SLC25A12: variants seen among roughly 807,000 people sequenced by gnomAD.
SLC25A12 encodes the protein electrogenic aspartate/glutamate antiporter SLC25A12, mitochondrial.
A neutral mutation model predicts 83.3 loss-of-function variants in SLC25A12; 32 were observed. The ratio of observed to expected loss-of-function variants is 0.38; its 90% CI spans 0.29 to 0.52. The LOEUF is 0.52. Ranked by LOEUF, SLC25A12 falls within the 20% of genes least tolerant of loss-of-function variation. The probability of loss-of-function intolerance (pLI) is 0.84; values close to 1 mark genes in which losing one functional copy is unlikely to be tolerated. For synonymous variants in SLC25A12, 267 were observed against 291.1 expected (o/e 0.92, Z 0.84); for missense variants, 611 against 835.6 (o/e 0.73, Z 3.31).
chr2:171,789,685 G>C (rs900732919), intron 15 of SLC25A12, among the ~76,000 whole-genome samples: 3 of 152,162 alleles, frequency 2.0e-5, no homozygotes, highest in African/African-American at 7.2e-5. Context: ...GCTCAGTGTG[G>C]CTCTGACCAG....
intron 2 of SLC25A12, among the ~76,000 whole-genome samples, chr2:171,882,378 T>G (rs1048891217): frequency 2.0e-5 from 3 of 152,174 alleles, no homozygotes; most frequent in Non-Finnish European, 4.4e-5. Flanking sequence ...TGGGTTTTCT[T>G]GGGGTATTAG....
rs1430019101 is a variant in SLC25A12, at chr2:171,865,860, T to A, written c.209+2821A>T. On this transcript the variant is annotated intron_variant, in intron 3 of 17. Coordinates refer to ENST00000422440, the MANE Select transcript of SLC25A12 (RefSeq NM_003705.5). ...ATTTTTCCAAAAAAAAAATTTTTTT[T>A]AATTGATCATTCTTGGGTGTTTCTC... 2.6e-5 allele frequency among the ~76,000 whole-genome samples: 4 copies of A among 151,812 alleles called. No homozygotes were observed. The East Asian group carries it at 7.7e-4, about 29-fold the overall frequency.
chr2:171,849,258 G>A (rs1024795538), intron 4 of SLC25A12, among the ~76,000 whole-genome samples: 1 of 151,474 alleles, frequency 6.6e-6, no homozygotes, highest in Non-Finnish European at 1.5e-5. Flanking sequence ...CACTTCAACA[G>A]TCTATCATCA....
intron 4 of SLC25A12, among the ~76,000 whole-genome samples, chr2:171,847,684 T>C (rs112015295): frequency 6.6e-6 from 1 of 152,322 alleles, no homozygotes; most frequent in South Asian, 2.1e-4. Flanking sequence ...AATCACGATA[T>C]AGTATTTTAT....
At chr2:171,884,209 G>A (rs1429479816) in intron 2 of SLC25A12, among the ~76,000 whole-genome samples, 3 of 140,500 alleles carry the variant, frequency 2.1e-5, no homozygotes, top group Admixed American at 7.3e-5. Context: ...TTTTCCCCCC[G>A]AGACTGAGTC....
chr2:171,849,212 C>T (rs769387278), intron 4 of SLC25A12, among the ~76,000 whole-genome samples: 9 of 151,960 alleles, frequency 5.9e-5, no homozygotes, highest in Non-Finnish European at 1.2e-4. Context: ...TAAATACATA[C>T]ATACATACAT....
In SLC25A12 at chr2:171,881,676, T is replaced by C. The variant is rs78566128; in HGVS notation, c.66+11529A>G. The stretch of plus-strand genomic sequence containing the variant: ...TTTTAAAAAAGTATTAATGTAGGGA[T>C]GTGTAATTTAAGCAGCTCTAGGCTA... On this transcript the variant is annotated intron_variant, in intron 2 of 17. Coordinates refer to ENST00000422440, the MANE Select transcript of SLC25A12 (RefSeq NM_003705.5). 5.0e-4 allele frequency among the ~76,000 whole-genome samples: 76 copies of C among 152,308 alleles called. 1 individual carries two copies. The highest frequency in any genetic ancestry group is 1.8e-3 in the African/African-American group (76 of 41,568).
chr2:171,859,909 A>AG (rs1351144070), intron 3 of SLC25A12, among the ~76,000 whole-genome samples: 1 of 152,146 alleles, frequency 6.6e-6, no homozygotes, highest in Non-Finnish European at 1.5e-5. Flanking sequence ...CTGGGATTAC[A>AG]GGTGCGTGCC....
In SLC25A12 at chr2:171,784,224, C is replaced by T. The variant is rs17499544; in HGVS notation, c.*1050G>A. On this transcript the variant is annotated 3_prime_UTR_variant, in exon 18 of 18. Coordinates refer to ENST00000422440, the MANE Select transcript of SLC25A12 (RefSeq NM_003705.5). ...TTTCTTCTTCCCTCCCTTCACTCTG[C>T]GCTAGCCCTTTCTAAAACTAATTTT... The T allele has an allele frequency of 0.13, 19,940 of 152,236 alleles. 1,678 individuals carry two copies. The highest frequency in any genetic ancestry group is 0.2 in the South Asian group (953 of 4,828). The allele number at this position is 152,236 out of a possible 1,614,324, so 9.4% of individuals were successfully genotyped here.
Position 171,791,594 on chromosome 2 carries a change from C to G in SLC25A12, c.1447-5G>C. The stretch of plus-strand genomic sequence containing the variant: ...GAGGAAACACGCTTTGGCACCCTGT[C>G]ACACAGTGAGGAAATAGTGCAAAAC... On this transcript the variant is annotated splice_region_variant and splice_polypyrimidine_tract_variant and intron_variant, in intron 14 of 17. Coordinates refer to ENST00000422440, the MANE Select transcript of SLC25A12 (RefSeq NM_003705.5). 6.2e-7 allele frequency: 1 copy of G among 1,613,710 alleles called. No individual in the cohort carries two copies. The highest frequency in any genetic ancestry group is 1.3e-5 in the African/African-American group (1 of 75,006).
intron 8 of SLC25A12, among the ~76,000 whole-genome samples, chr2:171,827,182 A>G (rs1481117906): frequency 6.6e-6 from 1 of 152,210 alleles, no homozygotes; most frequent in East Asian, 1.9e-4. Flanking sequence ...GTCCCTACCC[A>G]CTAAATGTGT....
chr2:171,868,030 T>C (rs1685374028), intron 3 of SLC25A12, among the ~76,000 whole-genome samples: 1 of 151,946 alleles, frequency 6.6e-6, no homozygotes, highest in East Asian at 1.9e-4. Flanking sequence ...TTTTTTTTAG[T>C]AGAGATGGGG....
chr2:171,856,657 G>A (rs908380241), intron 3 of SLC25A12: 2 of 152,002 alleles, frequency 1.3e-5, no homozygotes, highest in African/African-American at 4.8e-5. Flanking sequence ...TATATGTGCT[G>A]CTGAGGCAAG....
intron 5 of SLC25A12, among the ~76,000 whole-genome samples, chr2:171,840,055 T>G (rs1193152793): frequency 2.0e-5 from 3 of 152,186 alleles, no homozygotes; most frequent in African/African-American, 7.2e-5. Context: ...CTGAAAGTCC[T>G]TCTGCAAAAT....
intron 3 of SLC25A12, among the ~76,000 whole-genome samples, chr2:171,866,927 C>T (rs1211795935): frequency 6.8e-6 from 1 of 146,790 alleles, no homozygotes; most frequent in Non-Finnish European, 1.5e-5. Flanking sequence ...GGGGCAGTTG[C>T]CAGGCGGAGG....
chr2:171,870,868 T>A (rs1382754700), intron 2 of SLC25A12, among the ~76,000 whole-genome samples: 9 of 152,148 alleles, frequency 5.9e-5, no homozygotes, highest in Admixed American at 4.6e-4. Flanking sequence ...TGCAAACATC[T>A]CCATTTGTGG....
At chr2:171,880,040 G>A (rs1321127380) in intron 2 of SLC25A12, among the ~76,000 whole-genome samples, 1 of 152,050 alleles carries the variant, frequency 6.6e-6, no homozygotes, top group Non-Finnish European at 1.5e-5. Flanking sequence ...TTTTCAGAGT[G>A]TTTATCTTTA....
At chr2:171,793,533 C>G in intron 14 of SLC25A12, 94 bp downstream of exon 14, 1 of 1,306,050 alleles carries the variant, frequency 7.7e-7, no homozygotes, top group Non-Finnish European at 1.1e-6. Context: ...GACTACCCTG[C>G]TGGACAAGAT....
chr2:171,823,659 ACAT>A (rs1684238732), intron 9 of SLC25A12, among the ~76,000 whole-genome samples: 1 of 152,202 alleles, frequency 6.6e-6, no homozygotes, highest in Admixed American at 6.5e-5. Context: ...GTGAGAGGAA[ACAT>A]CAAACATTTT....
Sources: gnomAD v4.1 joint callset for allele counts (sites outside exome capture counted in the v4.1 genomes callset) on GRCh38, gnomAD v4.1.1 for gene constraint, MANE v1.5 for transcripts, NCBI Gene and HGNC (gene_info 2026-07-23, HGNC 2026-07-21) for gene names.